PCLO: variants seen among roughly 807,000 people sequenced by gnomAD.
PCLO encodes protein piccolo.
Under a neutral mutation model 427.5 loss-of-function variants are expected in PCLO, and 82 were observed. The observed-to-expected ratio is 0.19, with a 90% CI of 0.16 to 0.23. The LOEUF is 0.23. PCLO is among the 10% of genes least tolerant of loss of function. The pLI is 1.00. For synonymous variants in PCLO, 2,357 were observed against 2,155.4 expected (o/e 1.09, Z -2.59); for missense variants, 6,239 against 6,115.9 (o/e 1.02, Z -0.67).
chr7:83,069,276 A>G (rs915265875), intron 3 of PCLO, among the ~76,000 whole-genome samples: 7 of 152,198 alleles, frequency 4.6e-5, no homozygotes, highest in African/African-American at 1.7e-4. Flanking sequence ...GAACTGGCGT[A>G]TAATATGCAG....
At position 82,758,730 on chromosome 7, in the gene PCLO, C is replaced by A. The variant is rs1464317386; in HGVS notation, c.15289-15G>T. On this transcript the variant is annotated splice_polypyrimidine_tract_variant and intron_variant, in intron 24 of 24. Coordinates refer to ENST00000333891, the MANE Select transcript of PCLO (RefSeq NM_033026.6). ...AAAAGTAAAATCTAGAAAAAATAGG[C>A]AAAAATAAACATATTTAATTTATAC... The A allele has an allele frequency of 1.4e-6, 2 of 1,470,678 alleles. No homozygotes were observed. Among genetic ancestry groups the A allele is most frequent in the Non-Finnish European group, 1.9e-6 (2 of 1,057,736 alleles). 91.1% of individuals were successfully genotyped at this position (1,470,678 alleles called of 1,614,324 possible). A position where few individuals can be genotyped will look rare whatever the true frequency, so the allele number is the denominator to read the frequency against.
chr7:83,153,210 T>A (rs940897143), intron 2 of PCLO, among the ~76,000 whole-genome samples: 1 of 150,090 alleles, frequency 6.7e-6, no homozygotes, highest in Non-Finnish European at 1.5e-5. Context: ...ATTGTATATA[T>A]AAACATATGT....
intron 3 of PCLO, among the ~76,000 whole-genome samples, chr7:83,035,051 A>G (rs577167933): frequency 1.3e-5 from 2 of 152,306 alleles, no homozygotes; most frequent in African/African-American, 4.8e-5. Context: ...TAGGTGATAT[A>G]ATATCCATTT....
chr7:83,019,933 T>C (rs1725855039), intron 3 of PCLO, among the ~76,000 whole-genome samples: 1 of 152,126 alleles, frequency 6.6e-6, no homozygotes, highest in South Asian at 2.1e-4. Flanking sequence ...TCTTCAAGCA[T>C]TTCAAAGTCA....
intron 16 of PCLO, among the ~76,000 whole-genome samples, chr7:82,828,644 A>G (rs2115692206): frequency 6.6e-6 from 1 of 152,298 alleles, no homozygotes; most frequent in Non-Finnish European, 1.5e-5. Flanking sequence ...AGCACCAATT[A>G]GAAGCTTATA....
chr7:82,904,281 T>C (rs887130138), intron 8 of PCLO, among the ~76,000 whole-genome samples: 17 of 151,898 alleles, frequency 1.1e-4, no homozygotes, highest in African/African-American at 3.9e-4. Flanking sequence ...TGTCTCTATC[T>C]CTTTTGTCTG....
rs1041124758 is a variant in PCLO at position 83,009,003 on chromosome 7, T to A, written c.3301-42516A>T. On this transcript the variant is annotated intron_variant, in intron 3 of 24. Coordinates refer to ENST00000333891, the MANE Select transcript of PCLO (RefSeq NM_033026.6). ...TATATAAAGGCCAAAAAAAAGTTAA[T>A]CTCTCCAGCAATTCTATACCCATAA... 2.0e-5 allele frequency among the ~76,000 whole-genome samples: 3 copies of A among 151,744 alleles called. No homozygotes were observed. In the East Asian group the frequency reaches 5.8e-4, roughly 29 times the overall value.
At chr7:82,924,705 T>A (rs1471248676) in intron 6 of PCLO, among the ~76,000 whole-genome samples, 1 of 152,010 alleles carries the variant, frequency 6.6e-6, no homozygotes, top group Non-Finnish European at 1.5e-5. Flanking sequence ...AGTAATTATT[T>A]AGTTTGAGAA....
chr7:82,835,817 A>G (rs1792219359), intron 15 of PCLO, 124 bp from the exon 16 acceptor site: 4 of 723,588 alleles, frequency 5.5e-6, no homozygotes, highest in Admixed American at 2.5e-5. Flanking sequence ...GAGCTATCCC[A>G]TAACATAAAT....
chr7:82,935,958 G>A (rs76458379), intron 6 of PCLO, among the ~76,000 whole-genome samples: 1 of 151,664 alleles, frequency 6.6e-6, no homozygotes, highest in African/African-American at 2.4e-5. Context: ...AAGTAAGAAA[G>A]CATTGTGATG....
At chr7:82,887,692 A>G (rs1793659373) in intron 9 of PCLO, among the ~76,000 whole-genome samples, 1 of 152,164 alleles carries the variant, frequency 6.6e-6, no homozygotes, top group Admixed American at 6.5e-5. Context: ...GAGTAAATAA[A>G]TCCACATTTT....
intron 3 of PCLO, among the ~76,000 whole-genome samples, chr7:83,092,392 CCG>C (rs1491356115): frequency 1.8e-4 from 21 of 115,704 alleles, no homozygotes; most frequent in South Asian, 8.1e-4. Context: ...ACCCATGGAC[CCG>C]GCACAAATAT....
intron 20 of PCLO, chr7:82,821,025 A>G: frequency 8.3e-7 from 1 of 1,204,064 alleles, no homozygotes; most frequent in South Asian, 4.3e-5. Context: ...AACATATTTT[A>G]TCAGACAATC....
At chr7:83,000,346 C>A (rs1400097930) in intron 3 of PCLO, among the ~76,000 whole-genome samples, 1 of 151,280 alleles carries the variant, frequency 6.6e-6, no homozygotes, top group African/African-American at 2.4e-5. Flanking sequence ...CTGAAACTAT[C>A]TCTACAAAGT....
intron 20 of PCLO, among the ~76,000 whole-genome samples, chr7:82,809,499 C>T (rs1791522880): frequency 6.6e-6 from 1 of 151,636 alleles, no homozygotes; most frequent in Admixed American, 6.6e-5. Context: ...ACTCTTGTAG[C>T]ACATACTCTG....
Position 83,093,488 on chromosome 7 carries a change from A to T in PCLO, c.3300+40762T>A, listed in dbSNP as rs1251979416. On this transcript the variant is annotated intron_variant, in intron 3 of 24. Coordinates refer to ENST00000333891, the MANE Select transcript of PCLO (RefSeq NM_033026.6). ...TGTGTGTGTGTATAGATATATATAT[A>T]TATATTTTTTTTTTTTTTTTTTGAG... is the stretch of plus-strand genomic sequence containing the variant. Among the ~76,000 whole-genome samples the T allele has an allele frequency of 4.6e-4, 32 of 69,336 alleles. 1 individual carries two copies. The highest frequency in any genetic ancestry group is 6.2e-3 in the Middle Eastern group (1 of 162). The allele number at this position is 69,336 out of a possible 152,430, so 45.5% of individuals were successfully genotyped here. A position where few individuals can be genotyped will look rare whatever the true frequency, so the allele number is the denominator to read the frequency against.
In PCLO at chr7:82,949,584, A is replaced by G. The variant is rs777572927; in HGVS notation, c.11004T>C (p.Ser3668=). Residue 3668 remains serine (S), a synonymous_variant, in exon 6 of 25, where the codon AGT becomes AGC. Coordinates refer to ENST00000333891, the MANE Select transcript of PCLO (RefSeq NM_033026.6). ...HPDMAKVPPA[S]PKTAKMMQRS... ...GCTGCATCATCTTGGCTGTCTTAGG[A>G]CTTGCTGGGGGAACTTTAGCCATAT... The G allele has an allele frequency of 6.2e-7, 1 of 1,613,826 alleles. No homozygotes were observed. The highest frequency in any genetic ancestry group is 1.1e-5 in the South Asian group (1 of 91,084).
chr7:82,773,484 T>C (rs1262278125), intron 22 of PCLO, among the ~76,000 whole-genome samples: 4 of 152,186 alleles, frequency 2.6e-5, no homozygotes, highest in African/African-American at 9.7e-5. Flanking sequence ...TTGTCCTTAA[T>C]CTTATCACTC....
Position 83,037,189 on chromosome 7 carries a change from C to T in PCLO, c.3301-70702G>A, listed in dbSNP as rs374546946. Among the ~76,000 whole-genome samples the T allele has an allele frequency of 3.3e-5, 5 of 152,098 alleles. No homozygotes were observed. The South Asian group carries it at 8.3e-4, about 25-fold the overall frequency. The stretch of plus-strand genomic sequence containing the variant: ...GATCATACTATAGCAGGTTGCTAGG[C>T]TACTTTATGTCTAATGCACCAATAT... On this transcript the variant is annotated intron_variant, in intron 3 of 24. Transcript: ENST00000333891.
Sources: allele counts gnomAD v4.1 joint callset (sites outside exome capture counted in the v4.1 genomes callset), GRCh38; gene constraint gnomAD v4.1.1; transcripts MANE v1.5; gene names NCBI Gene and HGNC (gene_info 2026-07-23, HGNC 2026-07-21).